ZNF462: variants seen among roughly 807,000 people sequenced by gnomAD.
ZNF462 encodes the protein zinc finger PBX1-interacting protein.
ZNF462 carries 10 observed loss-of-function variants against 201.9 expected under a neutral mutation model. That is an observed-to-expected ratio of 0.05 (90% CI 0.03 to 0.08). The LOEUF (loss-of-function observed/expected upper bound fraction) is 0.08. Ranked by LOEUF, ZNF462 falls within the 10% of genes least tolerant of loss-of-function variation. The probability of loss-of-function intolerance (pLI) is 1.00; values close to 1 mark genes in which losing one functional copy is unlikely to be tolerated. For synonymous variants in ZNF462, 1,227 were observed against 1,193.3 expected (o/e 1.03, Z -0.58); for missense variants, 2,523 against 3,168.3 (o/e 0.80, Z 4.89).
chr9:106,965,343 A>G (rs1216220597), intron 7 of ZNF462, among the ~76,000 whole-genome samples: 2 of 142,908 alleles, frequency 1.4e-5, no homozygotes, highest in East Asian at 3.9e-4. Flanking sequence ...CACTCATATC[A>G]TAATCATATA....
intron 6 of ZNF462, among the ~76,000 whole-genome samples, chr9:106,937,732 T>C (rs1035099370): frequency 2.6e-5 from 4 of 152,302 alleles, no homozygotes; most frequent in South Asian, 4.1e-4. Flanking sequence ...GTATTTACTT[T>C]TATTTTTATG....
At chr9:106,898,326 C>T (rs756820589) in intron 1 of ZNF462, among the ~76,000 whole-genome samples, 2 of 152,116 alleles carry the variant, frequency 1.3e-5, no homozygotes, top group Non-Finnish European at 2.9e-5. Context: ...TCAGGGGTCC[C>T]TAGGAAGGGT....
intron 1 of ZNF462, among the ~76,000 whole-genome samples, chr9:106,910,467 C>A (rs1829504514): frequency 6.7e-6 from 1 of 148,218 alleles, no homozygotes; most frequent in South Asian, 2.2e-4. Context: ...CTCTTTAAAT[C>A]CCCTCCTCAA....
chr9:106,899,621 T>A (rs1458795566), intron 1 of ZNF462, among the ~76,000 whole-genome samples: 1 of 152,192 alleles, frequency 6.6e-6, no homozygotes, highest in African/African-American at 2.4e-5. Flanking sequence ...GTTGAGACCA[T>A]GAATTTGCAG....
chr9:106,985,913 C>T (rs555852557), intron 10 of ZNF462, among the ~76,000 whole-genome samples: 1 of 152,248 alleles, frequency 6.6e-6, no homozygotes, highest in African/African-American at 2.4e-5. Context: ...AGAGGAAAAG[C>T]CTGAATTACC....
rs1829229232 is a variant in ZNF462 at position 106,905,431 on chromosome 9, G to C, written c.-30-17923G>C. On this transcript the variant is annotated intron_variant, in intron 1 of 12. Coordinates refer to ENST00000277225, the MANE Select transcript of ZNF462 (RefSeq NM_021224.6). This position sits in a 1 kb window ranked among gnomAD's most constrained non-coding sequence, Gnocchi z 5.9. ...CAGGAGGTGGCACTTTCTAAAAACTGTCAGCTATAGTAGTGTGGAGAGAGA... is the reference window on the plus strand; with the variant it reads ...CAGGAGGTGGCACTTTCTAAAAACTCTCAGCTATAGTAGTGTGGAGAGAGA... Among the ~76,000 whole-genome samples, 1 of 152,134 alleles carries C rather than the reference G, an allele frequency of 6.6e-6. No individual in the cohort carries two copies. Among genetic ancestry groups the C allele is most frequent in the Admixed American group, 6.5e-5 (1 of 15,276 alleles).
chr9:106,971,718 A>G (rs925583639), intron 7 of ZNF462, among the ~76,000 whole-genome samples: 1 of 152,172 alleles, frequency 6.6e-6, no homozygotes, highest in African/African-American at 2.4e-5. Flanking sequence ...TGTGTGGTGT[A>G]CTTGAAATTT....
At chr9:106,866,792 C>G (rs1325477351) in intron 1 of ZNF462, among the ~76,000 whole-genome samples, 2 of 152,146 alleles carry the variant, frequency 1.3e-5, no homozygotes, top group East Asian at 3.9e-4. Context: ...AGTTCAGTTG[C>G]AATGGATAAA....
intron 1 of ZNF462, among the ~76,000 whole-genome samples, chr9:106,906,197 GTCTCCCTTTCCC>G (rs773545137): frequency 4.6e-5 from 7 of 152,186 alleles, no homozygotes; most frequent in Non-Finnish European, 8.8e-5. Flanking sequence ...GGAGAGGAGG[GTCTCCCTTTCCC>G]ATTTCTGCAG....
intron 10 of ZNF462, among the ~76,000 whole-genome samples, chr9:106,986,975 TCA>T (rs1827880952): frequency 7.4e-6 from 1 of 135,188 alleles, no homozygotes; most frequent in African/African-American, 2.8e-5. Flanking sequence ...TAGTATTCCA[TCA>T]TAGATAGATA....
In ZNF462 at chr9:106,865,912, A is replaced by G. The variant is rs184779710; in HGVS notation, c.-31+2557A>G. Among the ~76,000 whole-genome samples the G allele has an allele frequency of 4.2e-4, 64 of 152,316 alleles. No homozygotes were observed. Among genetic ancestry groups the G allele is most frequent in the Admixed American group, 6.5e-4 (10 of 15,308 alleles). On this transcript the variant is annotated intron_variant, in intron 1 of 12. Transcript: ENST00000277225. The surrounding 1 kb of genome is among the most constrained non-coding windows in gnomAD (Gnocchi z 4.1). ...GAGAATGTACATAATTGACCCAAGC[A>G]AAGAACTAAATCCCGAAATGCTTCA...
chr9:106,973,436 T>C (rs1295453616), intron 8 of ZNF462, among the ~76,000 whole-genome samples: 1 of 152,196 alleles, frequency 6.6e-6, no homozygotes, highest in Admixed American at 6.5e-5. Flanking sequence ...ATTTGTGATT[T>C]GGTGCTGAGA....
chr9:106,873,496 C>G (rs1827689758), intron 1 of ZNF462, among the ~76,000 whole-genome samples: 1 of 151,754 alleles, frequency 6.6e-6, no homozygotes. Flanking sequence ...TGTATTGGCT[C>G]TGGTTACTAT....
At chr9:106,918,060 A>T (rs990019194) in intron 1 of ZNF462, among the ~76,000 whole-genome samples, 6 of 151,890 alleles carry the variant, frequency 4.0e-5, no homozygotes, top group Non-Finnish European at 8.8e-5. Context: ...TATTTTTAGT[A>T]GAAACAGGGT....
intron 10 of ZNF462, among the ~76,000 whole-genome samples, chr9:107,002,046 T>C (rs1829225902): frequency 6.6e-6 from 1 of 152,152 alleles, no homozygotes; most frequent in Non-Finnish European, 1.5e-5. Flanking sequence ...TCGATAATGA[T>C]GTTCCCATCT....
chr9:106,900,830 G>T (rs1270460394), intron 1 of ZNF462, among the ~76,000 whole-genome samples: 4 of 152,092 alleles, frequency 2.6e-5, no homozygotes, highest in African/African-American at 9.7e-5. Context: ...CTCCTACTCT[G>T]TGGGTTGTCT....
intron 9 of ZNF462, among the ~76,000 whole-genome samples, chr9:106,982,563 G>A (rs1176429356): frequency 1.3e-5 from 2 of 152,108 alleles, no homozygotes; most frequent in Admixed American, 1.3e-4. Context: ...AAAAAAATGT[G>A]TGGATTACAT....
rs1363698209 is a variant in ZNF462 at position 106,927,283 on chromosome 9, G to A, written c.3371G>A (p.Arg1124Gln). Reference sequence around the variant, plus strand: ...TGCAAACACTGTTCCTACAGCAATCGGTCAGTTGTGGGAGTGCTTGTCCAC... The same window carrying A: ...TGCAAACACTGTTCCTACAGCAATCAGTCAGTTGTGGGAGTGCTTGTCCAC... ...YYCKHCSYSN[R>Q]SVVGVLVHYQ... Residue 1124 changes from arginine to glutamine, a missense_variant, in exon 3 of 13, where the codon CGG becomes CAG. Physicochemically the swap from Arg to Gln is conservative, Grantham distance 43 (BLOSUM62 1). This residue lies in a region of ZNF462 where 280 missense variants were observed against 321.3 expected (regional missense o/e 0.87). Coordinates refer to ENST00000277225, the MANE Select transcript of ZNF462 (RefSeq NM_021224.6). 7 of 1,598,110 alleles carry A rather than the reference G, an allele frequency of 4.4e-6. No individual in the cohort carries two copies. The highest frequency in any genetic ancestry group is 1.7e-5 in the Admixed American group (1 of 57,258).
chr9:106,881,247 G>A (rs539567692), intron 1 of ZNF462, among the ~76,000 whole-genome samples: 3 of 152,254 alleles, frequency 2.0e-5, no homozygotes, highest in East Asian at 1.9e-4. Flanking sequence ...GAGCAGCAGC[G>A]TGCCCTCATA....
Sources: gnomAD v4.1 joint callset for allele counts (sites outside exome capture counted in the v4.1 genomes callset) on GRCh38, gnomAD v4.1.1 for gene constraint, gnomAD v4.1.1 regional missense constraint, Gnocchi (gnomAD v3.1) non-coding constraint, MANE v1.5 for transcripts, NCBI Gene and HGNC (gene_info 2026-07-23, HGNC 2026-07-21) for gene names.